Variants in SHANK2 observed in about 807,000 individuals in gnomAD.
SHANK2 encodes the protein SH3 and multiple ankyrin repeat domains 2, also known as SH3 and multiple ankyrin repeat domains protein 2.
Under a neutral mutation model 133.7 loss-of-function variants are expected in SHANK2, and 43 were observed. The ratio of observed to expected loss-of-function variants is 0.32; its 90% CI spans 0.25 to 0.41. The LOEUF (loss-of-function observed/expected upper bound fraction) is 0.41. Ranked by LOEUF, SHANK2 falls within the 10% of genes least tolerant of loss-of-function variation. The pLI is 1.00. For missense variants in SHANK2, 1,994 were observed against 2,235.8 expected (o/e 0.89, Z 2.18); for synonymous variants, 1,017 against 952.8 (o/e 1.07, Z -1.24).
At chr11:71,168,331 A>C (rs1953228757) in intron 2 of SHANK2, among the ~76,000 whole-genome samples, 1 of 135,242 alleles carries the variant, frequency 7.4e-6, no homozygotes, top group Admixed American at 7.1e-5. Flanking sequence ...GACGCTCCTC[A>C]CTTTCCAGAC....
At chr11:70,615,258 G>A (rs2060722710) in intron 17 of SHANK2, among the ~76,000 whole-genome samples, 1 of 152,110 alleles carries the variant, frequency 6.6e-6, no homozygotes. Context: ...TCCTCCTGGT[G>A]GACTCTGTGA....
chr11:70,911,942 C>A (rs1950197211), intron 10 of SHANK2, among the ~76,000 whole-genome samples: 1 of 151,670 alleles, frequency 6.6e-6, no homozygotes, highest in Non-Finnish European at 1.5e-5. Flanking sequence ...ATCAGCTGGG[C>A]ATGGTGGCAG....
chr11:71,200,236 G>T (rs998665678), intron 2 of SHANK2, among the ~76,000 whole-genome samples: 1 of 152,152 alleles, frequency 6.6e-6, no homozygotes, highest in Admixed American at 6.5e-5. Context: ...TCTGTGTCTG[G>T]CTCCTTTCAC....
chr11:70,753,827 T>TGTGTGTGTGTGTGTGTGTGTGTG (rs1555038016), intron 14 of SHANK2, among the ~76,000 whole-genome samples: 3 of 151,804 alleles, frequency 2.0e-5, no homozygotes, highest in African/African-American at 4.8e-5. Context: ...TGTGTGTGTG[T>TGTGTGTGTGTGTGTGTGTGTGTG]TTGAGACAGA....
intron 17 of SHANK2, among the ~76,000 whole-genome samples, chr11:70,550,381 T>C (rs2059749001): frequency 6.6e-6 from 1 of 152,218 alleles, no homozygotes; most frequent in Non-Finnish European, 1.5e-5. Flanking sequence ...TGCTGGAGCC[T>C]GCTGCATGCG....
chr11:70,661,377 C>T (rs1425910260), intron 16 of SHANK2, among the ~76,000 whole-genome samples: 8 of 152,160 alleles, frequency 5.3e-5, no homozygotes, highest in African/African-American at 1.9e-4. Flanking sequence ...CAAGGAAGCC[C>T]TAACGTTTTC....
chr11:70,895,737 T>G (rs2135657902), intron 11 of SHANK2, among the ~76,000 whole-genome samples: 1 of 152,150 alleles, frequency 6.6e-6, no homozygotes, highest in African/African-American at 2.4e-5. Context: ...CACATCCAAA[T>G]CAGCTGCAAA....
At chr11:70,836,562 G>A (rs3017476) in intron 11 of SHANK2, among the ~76,000 whole-genome samples, 76,446 of 152,008 alleles carry the variant, frequency 0.5, 19,605 homozygotes, top group Middle Eastern at 0.61. Context: ...TGTCTGGAGG[G>A]CCCTGCCTGC....
chr11:70,792,799 A>G (rs1305030309), intron 14 of SHANK2, among the ~76,000 whole-genome samples: 2 of 152,148 alleles, frequency 1.3e-5, no homozygotes, highest in African/African-American at 4.8e-5. Context: ...AAAAGCTACA[A>G]AAAGGGCCAG....
At chr11:70,706,676 A>G (rs1202215108) in intron 14 of SHANK2, among the ~76,000 whole-genome samples, 4 of 151,810 alleles carry the variant, frequency 2.6e-5, no homozygotes, top group African/African-American at 7.3e-5. Context: ...CACCTCACAC[A>G]TGCAGCATTT....
At chr11:70,475,708 C>T (rs550375208) in intron 25 of SHANK2, among the ~76,000 whole-genome samples, 5 of 152,316 alleles carry the variant, frequency 3.3e-5, no homozygotes, top group African/African-American at 1.2e-4. Flanking sequence ...ACTGCTGGGC[C>T]AGGGACCCCA....
rs180825003 is a variant in SHANK2 at position 71,128,264 on chromosome 11, G to A, written c.208-9232C>T. Among the ~76,000 whole-genome samples, 4 of 152,326 alleles carry A rather than the reference G, an allele frequency of 2.6e-5. No homozygotes were observed. The East Asian group carries it at 7.7e-4, about 29-fold the overall frequency. On this transcript the variant is annotated intron_variant, in intron 3 of 25. Transcript: ENST00000601538. ...TCACTCTCTCCTAACTGGTAGGCAG[G>A]AGTTGGTCCCTCTGTCACTCAATCT...
At chr11:70,576,793 A>G (rs879987049) in intron 17 of SHANK2, among the ~76,000 whole-genome samples, 93 of 152,270 alleles carry the variant, frequency 6.1e-4, no homozygotes, top group South Asian at 3.1e-3. Flanking sequence ...GCCCCTGCAA[A>G]CAGGTTTCAT....
At chr11:70,845,198 CAAAAAAAAAAA>C (rs782471301) in intron 11 of SHANK2, among the ~76,000 whole-genome samples, 1 of 51,694 alleles carries the variant, frequency 1.9e-5, no homozygotes, top group Non-Finnish European at 3.8e-5. Flanking sequence ...GACTCTGTCT[CAAAAAAAAAAA>C]AAAAAAAAAA....
chr11:70,627,659 T>A (rs951505255), intron 17 of SHANK2, among the ~76,000 whole-genome samples: 3 of 152,230 alleles, frequency 2.0e-5, no homozygotes, highest in Non-Finnish European at 4.4e-5. Flanking sequence ...ATCACATATA[T>A]CCTGGAGATG....
At chr11:71,149,937 G>A (rs1243108340) in intron 2 of SHANK2, among the ~76,000 whole-genome samples, 2 of 25,734 alleles carry the variant, frequency 7.8e-5, no homozygotes, top group African/African-American at 2.6e-4. Context: ...GGAGAGGAGG[G>A]GAGGGGAAGG....
intron 15 of SHANK2, chr11:70,667,848 G>C (rs1555015165): frequency 6.6e-6 from 1 of 152,190 alleles, no homozygotes; most frequent in African/African-American, 2.4e-5. Context: ...TGTTATTGGG[G>C]TAGACCAGAT....
At chr11:71,247,564 A>G (rs894105) in intron 1 of SHANK2, among the ~76,000 whole-genome samples, 28,060 of 150,796 alleles carry the variant, frequency 0.19, 3,897 homozygotes, top group African/African-American at 0.4. Flanking sequence ...GCCATGGCAG[A>G]GCTGCAGTGC....
intron 6 of SHANK2, among the ~76,000 whole-genome samples, chr11:71,104,470 G>A (rs1951772746): frequency 1.3e-5 from 2 of 152,194 alleles, no homozygotes; most frequent in Non-Finnish European, 1.5e-5. Flanking sequence ...CGTCCCTTAT[G>A]CTCTGCCTTG....
Sources: gnomAD v4.1 joint callset for allele counts (sites outside exome capture counted in the v4.1 genomes callset) on GRCh38, gnomAD v4.1.1 for gene constraint, MANE v1.5 for transcripts, NCBI Gene and HGNC (gene_info 2026-07-23, HGNC 2026-07-21) for gene names.